The following TNIK variants were observed in gnomAD, a reference collection of about 807,000 sequenced individuals.
The protein encoded by TNIK is TRAF2 and NCK-interacting protein kinase.
A neutral mutation model predicts 191.3 loss-of-function variants in TNIK; 49 were observed. The ratio of observed to expected loss-of-function variants is 0.26; its 90% CI spans 0.20 to 0.32. TNIK has a LOEUF of 0.32. Among genes scored for constraint, TNIK ranks in the 10% least tolerant of loss-of-function variants. The pLI, the probability that TNIK is intolerant of heterozygous loss-of-function variation, is 1.00. For synonymous variants in TNIK, 594 were observed against 600.9 expected, an observed-to-expected ratio of 0.99 and a Z score of 0.17; for missense variants, 1,155 against 1,702.3, an observed-to-expected ratio of 0.68 and a Z score of 5.66.
intron 2 of TNIK, among the ~76,000 whole-genome samples, chr3:171,279,649 T>C (rs1456070997): frequency 6.6e-6 from 1 of 152,194 alleles, no homozygotes; most frequent in African/African-American, 2.4e-5. Context: ...CCAAGGCAAC[T>C]ATTAAGTGCA....
chr3:171,124,414 A>T (rs187403219), intron 17 of TNIK, among the ~76,000 whole-genome samples: 29 of 152,318 alleles, frequency 1.9e-4, no homozygotes, highest in Admixed American at 1.0e-3. Flanking sequence ...AGACTTGAGG[A>T]AAATGTATTA....
chr3:171,230,917 C>CAA (rs1461364986), intron 2 of TNIK, among the ~76,000 whole-genome samples: 2 of 152,196 alleles, frequency 1.3e-5, no homozygotes, highest in Non-Finnish European at 2.9e-5. Flanking sequence ...TCCCTTGGTT[C>CAA]AAGCAGGGAC....
intron 2 of TNIK, among the ~76,000 whole-genome samples, chr3:171,265,736 A>G (rs7635498): frequency 0.025 from 3,760 of 152,330 alleles, 145 homozygotes; most frequent in African/African-American, 0.085. Context: ...AATGTAATTA[A>G]TCAAGGTTAC....
intron 1 of TNIK, among the ~76,000 whole-genome samples, chr3:171,413,081 A>T (rs2108608716): frequency 6.6e-6 from 1 of 152,340 alleles, no homozygotes; most frequent in East Asian, 1.9e-4. Context: ...TTGCATATGC[A>T]GTATTCATAA....
intron 15 of TNIK, among the ~76,000 whole-genome samples, chr3:171,133,118 G>A (rs1265394391): frequency 2.6e-5 from 4 of 152,188 alleles, no homozygotes; most frequent in Admixed American, 6.5e-5. Context: ...CTCTGAGAAC[G>A]GGGGAGACTC....
intron 1 of TNIK, among the ~76,000 whole-genome samples, chr3:171,370,446 A>G (rs1180206613): frequency 6.6e-6 from 1 of 152,236 alleles, no homozygotes; most frequent in Admixed American, 6.5e-5. Flanking sequence ...TAACTGAATT[A>G]CTATCCCAAA....
intron 1 of TNIK, among the ~76,000 whole-genome samples, chr3:171,386,665 CAGA>C (rs1251030138): frequency 6.6e-6 from 1 of 152,170 alleles, no homozygotes; most frequent in Non-Finnish European, 1.5e-5. Flanking sequence ...TAGAGCTGAA[CAGA>C]AGTTTAATTG....
intron 1 of TNIK, among the ~76,000 whole-genome samples, chr3:171,412,942 C>G (rs1722593748): frequency 6.6e-6 from 1 of 152,120 alleles, no homozygotes; most frequent in Non-Finnish European, 1.5e-5. Flanking sequence ...GGGAAGGAAA[C>G]CTGGAAGCAT....
chr3:171,202,801 C>G (rs1739579216), intron 4 of TNIK, among the ~76,000 whole-genome samples: 1 of 152,198 alleles, frequency 6.6e-6, no homozygotes, highest in Admixed American at 6.5e-5. Context: ...TGTGGCAGCT[C>G]TGAAACTGGG....
intron 8 of TNIK, among the ~76,000 whole-genome samples, chr3:171,175,764 G>A (rs1431421120): frequency 6.6e-6 from 1 of 152,014 alleles, no homozygotes; most frequent in Admixed American, 6.6e-5. Flanking sequence ...CTTACACGTC[G>A]ACAGCTCATC....
Position 171,414,130 on chromosome 3 carries a change from C to A in TNIK, c.58-44445G>T, listed in dbSNP as rs147863919. ...CTAACTTAGACGTACCAATCCTTCT[C>A]AAATTTCCACTTCTCCAAGAAGCAC... On this transcript the variant is annotated intron_variant, in intron 1 of 32. Coordinates refer to ENST00000436636, the MANE Select transcript of TNIK (RefSeq NM_015028.4). Among the ~76,000 whole-genome samples, 5 of 152,294 alleles carry A rather than the reference C, an allele frequency of 3.3e-5. No homozygotes were observed. In the East Asian group the frequency reaches 7.7e-4, roughly 23 times the overall value.
At chr3:171,397,818 A>G (rs1403682906) in intron 1 of TNIK, among the ~76,000 whole-genome samples, 2 of 152,248 alleles carry the variant, frequency 1.3e-5, no homozygotes, top group African/African-American at 4.8e-5. Context: ...AACTATTTCT[A>G]TAATACAACA....
At chr3:171,275,471 T>A (rs2109217020) in intron 2 of TNIK, among the ~76,000 whole-genome samples, 1 of 152,148 alleles carries the variant, frequency 6.6e-6, no homozygotes, top group East Asian at 1.9e-4. Context: ...GAGAATGCTA[T>A]GAAAATGGAA....
At chr3:171,341,733 G>A (rs903829620) in intron 2 of TNIK, among the ~76,000 whole-genome samples, 3 of 152,134 alleles carry the variant, frequency 2.0e-5, no homozygotes, top group African/African-American at 7.2e-5. Context: ...TAGTAGCCTA[G>A]TCTTTATCCT....
intron 2 of TNIK, among the ~76,000 whole-genome samples, chr3:171,252,850 G>C (rs1032043410): frequency 3.3e-5 from 5 of 152,108 alleles, no homozygotes; most frequent in Non-Finnish European, 5.9e-5. Context: ...TAAACAGCTA[G>C]GATTTCACCA....
chr3:171,395,172 C>T (rs923585773), intron 1 of TNIK, among the ~76,000 whole-genome samples: 2 of 152,144 alleles, frequency 1.3e-5, no homozygotes, highest in African/African-American at 4.8e-5. Flanking sequence ...AAAACTGGCA[C>T]AGTAAAAGCT....
chr3:171,290,522 A>T (rs1020741315), intron 2 of TNIK, among the ~76,000 whole-genome samples: 3 of 152,248 alleles, frequency 2.0e-5, no homozygotes, highest in Non-Finnish European at 4.4e-5. Context: ...AATTATTATT[A>T]TATGTCAAAA....
intron 1 of TNIK, among the ~76,000 whole-genome samples, chr3:171,396,996 A>G (rs1720339178): frequency 6.6e-6 from 1 of 152,226 alleles, no homozygotes; most frequent in Admixed American, 6.5e-5. Flanking sequence ...GTTTATAAAA[A>G]TTAAATCTAC....
intron 12 of TNIK, among the ~76,000 whole-genome samples, chr3:171,146,542 G>T (rs1356660919): frequency 6.6e-6 from 1 of 152,146 alleles, no homozygotes; most frequent in African/African-American, 2.4e-5. Flanking sequence ...AAACAGACTA[G>T]ATTCTGGTCC....
Sources: allele counts gnomAD v4.1 joint callset (sites outside exome capture counted in the v4.1 genomes callset), GRCh38; gene constraint gnomAD v4.1.1; transcripts MANE v1.5; gene names NCBI Gene and HGNC (gene_info 2026-07-23, HGNC 2026-07-21).